The following CAGE1 variants were observed in gnomAD, a reference collection of about 807,000 sequenced individuals.
CAGE1 encodes cancer-associated gene 1 protein.
A neutral mutation model predicts 94.9 loss-of-function variants in CAGE1; 66 were observed. That is an observed-to-expected ratio of 0.70 (90% CI 0.57 to 0.85). CAGE1 has a LOEUF of 0.85. Ranked by LOEUF, CAGE1 falls within the 40% of genes least tolerant of loss-of-function variation. The probability of loss-of-function intolerance (pLI) is 0.00; values close to 1 mark genes in which losing one functional copy is unlikely to be tolerated. For missense variants in CAGE1, 865 were observed against 950.4 expected, an observed-to-expected ratio of 0.91 and a Z score of 1.18; for synonymous variants, 319 against 321.0, an observed-to-expected ratio of 0.99 and a Z score of 0.07.
At chr6:7,367,542 T>TG (rs1414700721) in intron 7 of CAGE1, among the ~76,000 whole-genome samples, 1 of 152,138 alleles carries the variant, frequency 6.6e-6, no homozygotes, top group Non-Finnish European at 1.5e-5. Context: ...CCCAAAATGC[T>TG]GGGATTACAG....
chr6:7,353,227 A>T (rs1029685934), intron 11 of CAGE1, among the ~76,000 whole-genome samples: 6 of 152,356 alleles, frequency 3.9e-5, no homozygotes, highest in African/African-American at 1.2e-4. Context: ...AAGTGGGCTA[A>T]GGACATGAAT....
In CAGE1 at chr6:7,374,101, AATT is replaced by A. The variant is rs1433054737; in HGVS notation, c.715_717del (p.Asn239del). The A allele has an allele frequency of 1.5e-5, 25 of 1,613,150 alleles. No homozygotes were observed. In the Admixed American group the frequency reaches 4.2e-4, roughly 27 times the overall value. ...ACTGACATCTCAGGAATCTCCCCAT[AATT>A]CTGTATTTCTTTTGAAGGAACTGCA... On this transcript the variant is annotated inframe_deletion, in exon 5 of 14. Coordinates refer to ENST00000502583, the MANE Select transcript of CAGE1 (RefSeq NM_001170692.2).
rs756610622 is a variant in CAGE1 at position 7,378,878 on chromosome 6, T to C, written c.426A>G (p.Glu142=). 19 of 1,611,306 alleles carry C rather than the reference T, an allele frequency of 1.2e-5. No homozygotes were observed. Among genetic ancestry groups the C allele is most frequent in the Non-Finnish European group, 1.4e-5 (17 of 1,178,442 alleles). Residue 142 remains glutamate (E), a synonymous_variant, in exon 4 of 14, where the codon GAA becomes GAG. Transcript: ENST00000502583. The part of the protein sequence containing the change: ...AFDDEMTEKP[E]FQSQVYNYAK... ...CATAATTATACACTTGACTTTGAAA[T>C]TCTGGCTTCTCTGTCATTTCATCAT...
chr6:7,333,636 A>ATAT (rs1491547347), intron 12 of CAGE1, among the ~76,000 whole-genome samples: 12 of 43,584 alleles, frequency 2.8e-4, no homozygotes, highest in Non-Finnish European at 2.0e-4. Flanking sequence ...CTATCTATCT[A>ATAT]ACTATCTATA....
intron 2 of CAGE1, among the ~76,000 whole-genome samples, chr6:7,386,133 A>G (rs1460832524): frequency 6.6e-6 from 1 of 152,192 alleles, no homozygotes; most frequent in Non-Finnish European, 1.5e-5. Flanking sequence ...TCATGTGACT[A>G]TAAACTTAGG....
At position 7,389,270 on chromosome 6, in the gene CAGE1, A is replaced by C. The variant is rs1295913127; in HGVS notation, c.-92T>G. 2 of 456,264 alleles carry C rather than the reference A, an allele frequency of 4.4e-6. No individual in the cohort carries two copies. The highest frequency in any genetic ancestry group is 8.8e-6 in the Non-Finnish European group (2 of 226,954). The allele number at this position is 456,264 out of a possible 1,614,324, so 28.3% of individuals were successfully genotyped here. A position where few individuals can be genotyped will look rare whatever the true frequency, so the allele number is the denominator to read the frequency against. On this transcript the variant is annotated 5_prime_UTR_variant, in exon 1 of 14. Coordinates refer to ENST00000502583, the MANE Select transcript of CAGE1 (RefSeq NM_001170692.2). ...GAGACACCAAACTTTTTAAGACACA[A>C]AAGTGTGCTCACTTCCAGGATCCAT...
At chr6:7,386,951 C>T (rs953179401) in intron 2 of CAGE1, 28 bp downstream of exon 2, 7 of 1,421,682 alleles carry the variant, frequency 4.9e-6, no homozygotes, top group Non-Finnish European at 4.8e-6. Context: ...TACATCTGAG[C>T]CTCCTGGAAC....
intron 7 of CAGE1, among the ~76,000 whole-genome samples, chr6:7,367,642 C>T (rs1280978097): frequency 1.3e-5 from 2 of 152,102 alleles, no homozygotes; most frequent in African/African-American, 4.8e-5. Flanking sequence ...GAGTAGAGGC[C>T]AGCCGTTTCT....
intron 1 of CAGE1, among the ~76,000 whole-genome samples, chr6:7,387,578 G>T (rs889002669): frequency 2.4e-5 from 3 of 122,612 alleles, no homozygotes; most frequent in African/African-American, 1.0e-4. Context: ...GTCAAACCCA[G>T]CATTGTAACT....
chr6:7,328,926 A>G (rs1230454924), intron 13 of CAGE1, among the ~76,000 whole-genome samples: 2 of 85,438 alleles, frequency 2.3e-5, no homozygotes, highest in Non-Finnish European at 2.7e-5. Context: ...GTGTATATAT[A>G]TATATATATT....
At chr6:7,374,664 A>G (rs1417771695) in intron 4 of CAGE1, among the ~76,000 whole-genome samples, 2 of 152,082 alleles carry the variant, frequency 1.3e-5, no homozygotes, top group Non-Finnish European at 2.9e-5. Flanking sequence ...GACTCTCAGG[A>G]ACATTAGAAT....
Position 7,339,461 on chromosome 6 carries a change from TC to T in CAGE1, c.2370-5372del. 1 of 1,077,318 alleles carries T rather than the reference TC, an allele frequency of 9.3e-7. No homozygotes were observed. The highest frequency in any genetic ancestry group is 1.4e-6 in the Non-Finnish European group (1 of 691,122). 66.7% of individuals were successfully genotyped at this position (1,077,318 alleles called of 1,614,324 possible). A position where few individuals can be genotyped will look rare whatever the true frequency, so the allele number is the denominator to read the frequency against. ...TGGTTGGTGTAACTCGCATCTCAAC[TC>T]CAGAGTAGCCATCTTCAGCCAGCTC... is the stretch of plus-strand genomic sequence containing the variant. On this transcript the variant is annotated intron_variant, in intron 11 of 13. Coordinates refer to ENST00000502583, the MANE Select transcript of CAGE1 (RefSeq NM_001170692.2). This position sits in a 1 kb window ranked among gnomAD's most constrained non-coding sequence, Gnocchi z 4.7.
chr6:7,364,460 T>C (rs1760259026), intron 9 of CAGE1, among the ~76,000 whole-genome samples: 1 of 152,150 alleles, frequency 6.6e-6, no homozygotes, highest in African/African-American at 2.4e-5. Flanking sequence ...TAATAATTAC[T>C]GGTTTTTTGT....
chr6:7,345,096 C>T (rs1051692990), intron 11 of CAGE1, among the ~76,000 whole-genome samples: 14 of 151,896 alleles, frequency 9.2e-5, no homozygotes, highest in South Asian at 2.1e-4. Flanking sequence ...TGCAGTAAAT[C>T]TTAACTCTTG....
At chr6:7,376,389 AAAATAAATAAAT>A (rs200068860) in intron 4 of CAGE1, among the ~76,000 whole-genome samples, 2,335 of 141,656 alleles carry the variant, frequency 0.016, 28 homozygotes, top group South Asian at 0.038. Context: ...ACTCCATCTC[AAAATAAATAAAT>A]AAATAAATAA....
intron 9 of CAGE1, among the ~76,000 whole-genome samples, chr6:7,360,242 T>G (rs1360923219): frequency 6.6e-6 from 1 of 152,162 alleles, no homozygotes; most frequent in African/African-American, 2.4e-5. Context: ...AAGTCCATTC[T>G]GCCATGTTCT....
At chr6:7,381,260 T>C (rs1008565393) in intron 3 of CAGE1, among the ~76,000 whole-genome samples, 1 of 152,180 alleles carries the variant, frequency 6.6e-6, no homozygotes, top group Non-Finnish European at 1.5e-5. Context: ...TAATCCAGTA[T>C]GACTGGTGTC....
chr6:7,329,222 C>T (rs753780375), intron 13 of CAGE1: 133 of 402,860 alleles, frequency 3.3e-4, no homozygotes, highest in Admixed American at 6.2e-4. Flanking sequence ...CGTCAGCCAC[C>T]GCGCCCAGCC....
chr6:7,369,433 C>T (rs1056105045), intron 6 of CAGE1, among the ~76,000 whole-genome samples: 2 of 152,176 alleles, frequency 1.3e-5, no homozygotes, highest in Non-Finnish European at 2.9e-5. Flanking sequence ...GGTCAAGTTA[C>T]ACAGCTAGGA....
Sources: gnomAD v4.1 joint callset for allele counts (sites outside exome capture counted in the v4.1 genomes callset) on GRCh38, gnomAD v4.1.1 for gene constraint, Gnocchi (gnomAD v3.1) non-coding constraint, MANE v1.5 for transcripts, NCBI Gene and HGNC (gene_info 2026-07-23, HGNC 2026-07-21) for gene names.